INTS12: variants seen among roughly 807,000 people sequenced by gnomAD.
The protein encoded by INTS12 is PHD finger protein 22.
In INTS12, 13 loss-of-function variants were observed where a neutral mutation model predicts 41.6. The ratio of observed to expected loss-of-function variants is 0.31; its 90% CI spans 0.20 to 0.50. The LOEUF is 0.50. Ranked by LOEUF, INTS12 falls within the 20% of genes least tolerant of loss-of-function variation. The probability of loss-of-function intolerance (pLI) is 0.98; values close to 1 mark genes in which losing one functional copy is unlikely to be tolerated. For missense variants in INTS12, 432 were observed against 541.6 expected (o/e 0.80, Z 2.01); for synonymous variants, 199 against 191.4 (o/e 1.04, Z -0.33).
At chr4:105,703,128 C>T (rs76419734) in intron 2 of INTS12, 24,214 of 433,016 alleles carry the variant, frequency 0.056, 801 homozygotes, top group Middle Eastern at 0.12. Flanking sequence ...AAACAGACTG[C>T]AAAAGAGCCA....
chr4:105,688,369 G>A (rs1731566748), intron 6 of INTS12, among the ~76,000 whole-genome samples: 1 of 152,024 alleles, frequency 6.6e-6, no homozygotes, highest in African/African-American at 2.4e-5. Context: ...TCTTGTTTGG[G>A]CCTTCTTGTG....
intron 4 of INTS12, among the ~76,000 whole-genome samples, chr4:105,695,225 A>G (rs1346519487): frequency 6.6e-6 from 1 of 152,038 alleles, no homozygotes; most frequent in Non-Finnish European, 1.5e-5. Context: ...CAACTGTTCC[A>G]TCTAGGATCT....
chr4:105,699,833 T>C lies in INTS12; in HGVS notation c.156+17A>G. ...GCCTTACAAAACTCTCTCCAAGCTT[T>C]TTATTCATTCAAGTACCTTTTGAGA... is the stretch of plus-strand genomic sequence containing the variant. On this transcript the variant is annotated intron_variant, in intron 3 of 7. Transcript: ENST00000340139. The C allele has an allele frequency of 1.4e-6, 2 of 1,470,460 alleles. No individual in the cohort carries two copies. Among genetic ancestry groups the C allele is most frequent in the African/African-American group, 2.8e-5 (2 of 71,646 alleles). The allele number at this position is 1,470,460 out of a possible 1,614,324, so 91.1% of individuals were successfully genotyped here.
At position 105,699,859 on chromosome 4, in the gene INTS12, T is replaced by C. The variant is rs1731997329; in HGVS notation, c.147A>G (p.Pro49=). Residue 49 remains proline, a synonymous_variant, in exon 3 of 8, where the codon CCA becomes CCG. Transcript: ENST00000340139. The part of the protein sequence containing the change: ...LARGIDSSYR[P]SQKDVEPPKI... ...TTATTCATTCAAGTACCTTTTGAGA[T>C]GGACGGTAACTGGAATCAATGCCCC... 1 of 1,526,502 alleles carries C rather than the reference T, an allele frequency of 6.6e-7. No individual in the cohort carries two copies. The highest frequency in any genetic ancestry group is 8.9e-7 in the Non-Finnish European group (1 of 1,123,654). 94.6% of individuals were successfully genotyped at this position (1,526,502 alleles called of 1,614,324 possible).
intron 4 of INTS12, among the ~76,000 whole-genome samples, 194 bp downstream of exon 4, chr4:105,695,322 C>T (rs1024303688): frequency 6.6e-6 from 1 of 152,056 alleles, no homozygotes; most frequent in African/African-American, 2.4e-5. Flanking sequence ...AACCACTTAA[C>T]TTTAAAATTT....
chr4:105,687,799 A>T (rs1370948809), intron 6 of INTS12, among the ~76,000 whole-genome samples: 6 of 152,168 alleles, frequency 3.9e-5, no homozygotes, highest in African/African-American at 1.2e-4. Context: ...CTAAAAATAC[A>T]GAAATTAGCT....
chr4:105,704,952 C>T (rs1002602356), intron 1 of INTS12, among the ~76,000 whole-genome samples: 1 of 152,218 alleles, frequency 6.6e-6, no homozygotes, highest in African/African-American at 2.4e-5. Context: ...CAGTCTCCCA[C>T]AATCACTCTT....
rs191664518 is a variant in INTS12 at position 105,687,964 on chromosome 4, C to T, written c.658-1126G>A. 2.6e-5 allele frequency among the ~76,000 whole-genome samples: 4 copies of T among 151,770 alleles called. No homozygotes were observed. The East Asian group carries it at 5.8e-4, about 22-fold the overall frequency. On this transcript the variant is annotated intron_variant, in intron 6 of 7. Coordinates refer to ENST00000340139, the MANE Select transcript of INTS12 (RefSeq NM_020395.4). ...GCAAAACTCCATCTCAAAAAAACAACAACAGAAAAAAAAACAGCAACTATT... is the reference window on the plus strand; with the variant it reads ...GCAAAACTCCATCTCAAAAAAACAATAACAGAAAAAAAAACAGCAACTATT...
At chr4:105,686,924 A>T in intron 6 of INTS12, 86 bp from the exon 7 acceptor site, 4 of 1,154,060 alleles carry the variant, frequency 3.5e-6, no homozygotes, top group Non-Finnish European at 5.1e-6. Flanking sequence ...CTCATCACTG[A>T]AATGAAATAC....
At chr4:105,695,099 TTG>T (rs1297842038) in intron 4 of INTS12, among the ~76,000 whole-genome samples, 2 of 139,314 alleles carry the variant, frequency 1.4e-5, no homozygotes, top group Non-Finnish European at 3.0e-5. Context: ...CAGATGATTT[TTG>T]TATTTTTTGT....
chr4:105,702,725 T>C lies in INTS12; in HGVS notation c.-10+923A>G, dbSNP rs148499272. 2.1e-3 allele frequency among the ~76,000 whole-genome samples: 326 copies of C among 152,322 alleles called. 1 individual carries two copies. The highest frequency in any genetic ancestry group is 7.5e-3 in the African/African-American group (311 of 41,584). ...CTATTCCCATTCTACTTGTTCTTTG[T>C]TACAGAAGCCTCCAATTTCTTGTCC... On this transcript the variant is annotated intron_variant, in intron 2 of 7. Transcript: ENST00000340139.
Position 105,700,029 on chromosome 4 carries a change from G to C in INTS12, c.-9-15C>G, listed in dbSNP as rs367825208. 74 of 1,451,968 alleles carry C rather than the reference G, an allele frequency of 5.1e-5. No homozygotes were observed. The highest frequency in any genetic ancestry group is 6.3e-5 in the Non-Finnish European group (68 of 1,086,188). 89.9% of individuals were successfully genotyped at this position (1,451,968 alleles called of 1,614,324 possible). On this transcript the variant is annotated splice_polypyrimidine_tract_variant and intron_variant, in intron 2 of 7. Transcript: ENST00000340139. ...ATTGCAAACGCCTGAAGGAAAAAAA[G>C]AGAAAGTAATCTAGAAGACAATGCA... is the stretch of plus-strand genomic sequence containing the variant.
intron 2 of INTS12, among the ~76,000 whole-genome samples, chr4:105,701,311 G>C (rs1732064803): frequency 6.9e-6 from 1 of 144,690 alleles, no homozygotes; most frequent in East Asian, 2.0e-4. Context: ...GTCGAATTCT[G>C]TACTGTACTA....
chr4:105,695,181 G>A (rs1244825232), intron 4 of INTS12, among the ~76,000 whole-genome samples: 2 of 151,874 alleles, frequency 1.3e-5, no homozygotes, highest in Non-Finnish European at 2.9e-5. Context: ...TACCTGCCTC[G>A]GCCTCCCAAA....
At chr4:105,708,556 T>A (rs1732388741) in intron 1 of INTS12, 82 bp downstream of exon 1, 1 of 985,214 alleles carries the variant, frequency 1.0e-6, no homozygotes, top group Non-Finnish European at 1.2e-6. Flanking sequence ...ATACCCCACG[T>A]AGCTACTCTC....
intron 4 of INTS12, among the ~76,000 whole-genome samples, chr4:105,694,974 G>C (rs1325107557): frequency 1.3e-5 from 2 of 151,856 alleles, no homozygotes; most frequent in Admixed American, 6.6e-5. Flanking sequence ...ACCCAGGCTG[G>C]AGTGCAGTGG....
At chr4:105,686,587 C>G in intron 7 of INTS12, 105 bp downstream of exon 7, 1 of 746,648 alleles carries the variant, frequency 1.3e-6, no homozygotes, top group Non-Finnish European at 2.1e-6. Context: ...TAAAATATAG[C>G]CATTTAGTAT....
At chr4:105,703,162 G>T in intron 2 of INTS12, 1 of 247,580 alleles carries the variant, frequency 4.0e-6, no homozygotes, top group Non-Finnish European at 6.4e-6. Flanking sequence ...ATGGATTAGA[G>T]TTCTAGAAAA....
chr4:105,696,862 T>A (rs1731885803), intron 3 of INTS12, among the ~76,000 whole-genome samples: 1 of 152,224 alleles, frequency 6.6e-6, no homozygotes, highest in Non-Finnish European at 1.5e-5. Context: ...ATGCTTTGTA[T>A]GGCTACTCTT....
Sources: gnomAD v4.1 joint callset for allele counts (sites outside exome capture counted in the v4.1 genomes callset) on GRCh38, gnomAD v4.1.1 for gene constraint, MANE v1.5 for transcripts, NCBI Gene and HGNC (gene_info 2026-07-23, HGNC 2026-07-21) for gene names.